PAPOLG: variants seen among roughly 807,000 people sequenced by gnomAD.
PAPOLG encodes poly(A) polymerase gamma.
A neutral mutation model predicts 99.0 loss-of-function variants in PAPOLG; 40 were observed. The observed-to-expected ratio is 0.40, with a 90% CI of 0.31 to 0.53. PAPOLG has a LOEUF of 0.53. PAPOLG is among the 20% of genes least tolerant of loss of function. The pLI is 0.41. For missense variants in PAPOLG, 675 were observed against 884.1 expected, an observed-to-expected ratio of 0.76 and a Z score of 3.00; for synonymous variants, 310 against 299.3, an observed-to-expected ratio of 1.04 and a Z score of -0.37.
chr2:60,779,747 C>T lies in PAPOLG; in HGVS notation c.805C>T (p.His269Tyr), dbSNP rs766806454. 1.2e-6 allele frequency: 2 copies of T among 1,613,848 alleles called. No individual in the cohort carries two copies. The highest frequency in any genetic ancestry group is 1.7e-6 in the Non-Finnish European group (2 of 1,179,840). ...AAATGCAGCAGCATCTACTTTAGTT[C>T]ATAAGTTCTTTTTAGTTTTTTCCAA... Reference protein sequence around the residue: ...YPNAAASTLVHKFFLVFSKWE... With the variant: ...YPNAAASTLVYKFFLVFSKWE... The change falls in exon 9 of 22, where the codon CAT becomes TAT. Residue 269 changes from histidine to tyrosine, a missense_variant. By Grantham distance (83) the His-to-Tyr change is moderately conservative (BLOSUM62 2). Coordinates refer to ENST00000238714, the MANE Select transcript of PAPOLG (RefSeq NM_022894.4).
chr2:60,797,349 G>A lies in PAPOLG; in HGVS notation c.*189G>A. 3 of 646,014 alleles carry A rather than the reference G, an allele frequency of 4.6e-6. No individual in the cohort carries two copies. 40.0% of individuals were successfully genotyped at this position (646,014 alleles called of 1,614,324 possible). ...GTAGATGCTGTAGCATTCTCTCACT[G>A]ATTGCTACATACACTTCTCTGAGGA... is the stretch of plus-strand genomic sequence containing the variant. On this transcript the variant is annotated 3_prime_UTR_variant, in exon 22 of 22. Transcript: ENST00000238714.
chr2:60,761,726 C>G lies in PAPOLG; in HGVS notation c.180-15C>G. 1.9e-6 allele frequency: 3 copies of G among 1,584,336 alleles called. No homozygotes were observed. The highest frequency in any genetic ancestry group is 2.6e-6 in the Non-Finnish European group (3 of 1,156,826). On this transcript the variant is annotated splice_polypyrimidine_tract_variant and intron_variant, in intron 2 of 21. Transcript: ENST00000238714. ...TTTGTTTGTTTGTTTTAATCTGAAG[C>G]ATTTTTTTTTATAGGCTGGTGGTTC...
chr2:60,766,105 T>C (rs368087478), intron 3 of PAPOLG, among the ~76,000 whole-genome samples: 6 of 152,352 alleles, frequency 3.9e-5, no homozygotes, highest in African/African-American at 7.2e-5. Context: ...AGATATTCTT[T>C]AGAACTTGTA....
At chr2:60,783,443 C>T (rs890218699) in intron 13 of PAPOLG, among the ~76,000 whole-genome samples, 6 of 146,196 alleles carry the variant, frequency 4.1e-5, no homozygotes, top group African/African-American at 7.6e-5. Context: ...TCAGGTGATC[C>T]GCCCACCTCA....
Position 60,761,814 on chromosome 2 carries a change from C to G in PAPOLG, c.246+7C>G. 1 of 1,542,582 alleles carries G rather than the reference C, an allele frequency of 6.5e-7. No homozygotes were observed. Among genetic ancestry groups the G allele is most frequent in the South Asian group, 1.1e-5 (1 of 87,810 alleles). ...TGATGTCAGCGAGAGTAAGGTAAGA[C>G]TCTAAACTATGTGGAATTCTTGTTT... is the stretch of plus-strand genomic sequence containing the variant. On this transcript the variant is annotated splice_region_variant and intron_variant, in intron 3 of 21. Coordinates refer to ENST00000238714, the MANE Select transcript of PAPOLG (RefSeq NM_022894.4).
At chr2:60,771,673 A>G (rs1053674653) in intron 7 of PAPOLG, 43 bp downstream of exon 7, 19 of 1,571,654 alleles carry the variant, frequency 1.2e-5, no homozygotes, top group East Asian at 2.3e-5. Flanking sequence ...CTTCAGAACA[A>G]TTAGAGAAAT....
rs540555098 is a variant in PAPOLG at position 60,797,859 on chromosome 2, A to G, written c.*699A>G. 23 of 152,896 alleles carry G rather than the reference A, an allele frequency of 1.5e-4. No homozygotes were observed. Among genetic ancestry groups the G allele is most frequent in the Admixed American group, 1.3e-3 (20 of 15,292 alleles). The allele number at this position is 152,896 out of a possible 1,614,324, so 9.5% of individuals were successfully genotyped here. A position where few individuals can be genotyped will look rare whatever the true frequency, so the allele number is the denominator to read the frequency against. ...AAGAGTTGGGCACCATAAATTCTCT[A>G]TATTTTGCCTCCCATGGAGGCCTTT... On this transcript the variant is annotated 3_prime_UTR_variant, in exon 22 of 22. Transcript: ENST00000238714.
chr2:60,782,610 A>G, intron 11 of PAPOLG, 76 bp from the exon 12 acceptor site: 1 of 1,349,120 alleles, frequency 7.4e-7, no homozygotes, highest in Non-Finnish European at 9.6e-7. Flanking sequence ...TTGTAGTAGT[A>G]GAGTGATTTA....
chr2:60,771,970 TTA>T (rs2103780157), intron 7 of PAPOLG, among the ~76,000 whole-genome samples: 1 of 152,210 alleles, frequency 6.6e-6, no homozygotes, highest in Non-Finnish European at 1.5e-5. Context: ...TAAAAAGTAC[TTA>T]TTCATTTATA....
intron 18 of PAPOLG, 94 bp from the exon 19 acceptor site, chr2:60,793,877 C>CTGCA: frequency 2.1e-6 from 3 of 1,445,610 alleles, no homozygotes; most frequent in Non-Finnish European, 2.8e-6. Context: ...AGCCACTGCA[C>CTGCA]TGCAGCCTGG....
chr2:60,756,901 A>G (rs1377247581), intron 1 of PAPOLG, among the ~76,000 whole-genome samples: 2 of 141,162 alleles, frequency 1.4e-5, no homozygotes, highest in East Asian at 2.1e-4. Context: ...GGCTGTCTCC[A>G]GGTCTTCAGG....
chr2:60,793,205 TAAAAAAAAAAA>T (rs779034834), intron 17 of PAPOLG, among the ~76,000 whole-genome samples: 1 of 45,528 alleles, frequency 2.2e-5, no homozygotes, highest in African/African-American at 9.4e-5. Context: ...ATACCATGTC[TAAAAAAAAAAA>T]AAAAAAAAAA....
At chr2:60,774,897 T>G in intron 7 of PAPOLG, 137 bp from the exon 8 acceptor site, 1 of 1,437,580 alleles carries the variant, frequency 7.0e-7, no homozygotes. Flanking sequence ...AGTGGTAAAT[T>G]TCATACACAT....
chr2:60,782,919 T>G, intron 12 of PAPOLG, 149 bp downstream of exon 12: 3 of 1,120,982 alleles, frequency 2.7e-6, no homozygotes, highest in African/African-American at 1.6e-5. Flanking sequence ...ATAAGAGTGT[T>G]TCTTTATTCT....
At chr2:60,792,416 G>A in intron 17 of PAPOLG, 127 bp downstream of exon 17, 1 of 921,556 alleles carries the variant, frequency 1.1e-6, no homozygotes, top group South Asian at 1.7e-5. Flanking sequence ...ACTGGCTGCT[G>A]GTCAATTTCT....
intron 3 of PAPOLG, among the ~76,000 whole-genome samples, chr2:60,764,044 C>G (rs1670599588): frequency 6.6e-6 from 1 of 152,076 alleles, no homozygotes; most frequent in African/African-American, 2.4e-5. Flanking sequence ...CTCAAGTAAT[C>G]CATTCTCTTC....
chr2:60,789,524 C>T (rs1344086674), intron 15 of PAPOLG, among the ~76,000 whole-genome samples: 1 of 152,020 alleles, frequency 6.6e-6, no homozygotes, highest in Non-Finnish European at 1.5e-5. Context: ...GTGTCAACCA[C>T]CGCACCTGGC....
At position 60,775,124 on chromosome 2, in the gene PAPOLG, G is replaced by A. The variant is rs955761026; in HGVS notation, c.694+1G>A. Reference sequence around the variant, plus strand: ...AGAGCTGTCAAATTATGGGCAAAACGTAAGTATCCCTAGTCTTTTATGTTT... The same window carrying A: ...AGAGCTGTCAAATTATGGGCAAAACATAAGTATCCCTAGTCTTTTATGTTT... On this transcript the variant is annotated splice_donor_variant, in intron 8 of 21. Coordinates refer to ENST00000238714, the MANE Select transcript of PAPOLG (RefSeq NM_022894.4). LOFTEE classifies it high-confidence loss of function. The A allele has an allele frequency of 1.2e-6, 2 of 1,607,634 alleles. No homozygotes were observed. Among genetic ancestry groups the A allele is most frequent in the Non-Finnish European group, 1.7e-6 (2 of 1,178,464 alleles).
chr2:60,758,465 T>C (rs1670422570), intron 1 of PAPOLG, among the ~76,000 whole-genome samples: 1 of 149,638 alleles, frequency 6.7e-6, no homozygotes, highest in Admixed American at 6.7e-5. Flanking sequence ...TTCGCTCTTG[T>C]TGCCCAGGCT....
Sources: gnomAD v4.1 joint callset for allele counts (sites outside exome capture counted in the v4.1 genomes callset) on GRCh38, gnomAD v4.1.1 for gene constraint, MANE v1.5 for transcripts, NCBI Gene and HGNC (gene_info 2026-07-23, HGNC 2026-07-21) for gene names.